Variants in KLHL33 observed in about 807,000 individuals in gnomAD.
KLHL33 encodes kelch like family member 33, also known as kelch-like protein 33.
Under a neutral mutation model 60.8 loss-of-function variants are expected in KLHL33, and 46 were observed. That is an observed-to-expected ratio of 0.76 (90% CI 0.60 to 0.97). The LOEUF (loss-of-function observed/expected upper bound fraction) is 0.97, where lower values mean the gene tolerates loss of function less well. Among genes scored for constraint, KLHL33 ranks in the 50% least tolerant of loss-of-function variants. The probability of loss-of-function intolerance (pLI) is 0.00; values close to 1 mark genes in which losing one functional copy is unlikely to be tolerated. For synonymous variants in KLHL33, 434 were observed against 432.2 expected, an observed-to-expected ratio of 1.00 and a Z score of -0.05; for missense variants, 1,055 against 1,000.0, an observed-to-expected ratio of 1.05 and a Z score of -0.74.
Position 20,429,206 on chromosome 14 carries a change from T to A in KLHL33, c.2037A>T (p.Ala679=), listed in dbSNP as rs7159913. ...GVPRAGHVMA[A]LGGRLYVAGG... is the part of the protein sequence containing the mutation. ...CTGCCACATACAACCTCCCACCCAA[T>A]GCAGCCATGACATGGCCAGCCCGAG... is the stretch of plus-strand genomic sequence containing the variant. Residue 679 remains alanine (A), a synonymous_variant, in exon 5 of 5, where the codon GCA becomes GCT. Transcript: ENST00000636854. The A allele has an allele frequency of 2.9e-3, 4,427 of 1,551,580 alleles. 105 individuals are homozygous for A. The African/African-American group carries it at 0.054, about 19-fold the overall frequency.
rs530011265 is a variant in KLHL33, at chr14:20,426,817, T to C, written c.*2032A>G. 1 of 151,680 alleles carries C rather than the reference T, an allele frequency of 6.6e-6. No individual in the cohort carries two copies. The highest frequency in any genetic ancestry group is 6.6e-5 in the Admixed American group (1 of 15,234). 9.4% of individuals were successfully genotyped at this position (151,680 alleles called of 1,614,324 possible). ...ACAATGATAGACCGGATTAAGAAAA[T>C]GTGGCACATATACACCATGGAATAC... On this transcript the variant is annotated 3_prime_UTR_variant, in exon 5 of 5. Coordinates refer to ENST00000636854, the MANE Select transcript of KLHL33 (RefSeq NM_001365790.2).
rs186346458 is a variant in KLHL33, at chr14:20,429,809, C to A, written c.1659G>T (p.Leu553=). Residue 553 remains leucine (L), a synonymous_variant, in exon 3 of 5, where the codon CTG becomes CTT. Transcript: ENST00000636854. ...GQDFYSHSNT[L]ASTLRWEPSQ... The stretch of plus-strand genomic sequence containing the variant: ...GAAGCTTATACCTGAGAGTTGAAGC[C>A]AGGGTGTTGGAGTGACTGTAGAAAT... The A allele has an allele frequency of 6.5e-7, 1 of 1,537,670 alleles. No homozygotes were observed. The highest frequency in any genetic ancestry group is 8.8e-7 in the Non-Finnish European group (1 of 1,139,112).
chr14:20,428,926 C>T lies in KLHL33; in HGVS notation c.2317G>A (p.Ala773Thr). The T allele has an allele frequency of 6.4e-7, 1 of 1,551,754 alleles. No homozygotes were observed. The highest frequency in any genetic ancestry group is 8.7e-7 in the Non-Finnish European group (1 of 1,146,998). ...TLPRPRAEMPACILTLPAVQH... is the reference protein window; with the variant it reads ...TLPRPRAEMPTCILTLPAVQH... ...ACAGCGGGCAGTGTCAGGATGCAGG[C>T]AGGCATCTCAGCCCGAGGCCTTGGC... is the stretch of plus-strand genomic sequence containing the variant. The change falls in exon 5 of 5, where the codon GCC (alanine) becomes ACC (threonine). Residue 773 changes from alanine to threonine, a missense_variant. Physicochemically the swap from Ala to Thr is moderately conservative, Grantham distance 58 (BLOSUM62 0). Transcript: ENST00000636854.
In KLHL33 at chr14:20,426,174, C is replaced by T. The variant is rs1713451; in HGVS notation, c.*2675G>A. 85,012 of 151,910 alleles carry T rather than the reference C, an allele frequency of 0.56. 23,886 individuals carry two copies. The highest frequency in any genetic ancestry group is 0.67 in the South Asian group (3,207 of 4,806). The allele number at this position is 151,910 out of a possible 1,614,324, so 9.4% of individuals were successfully genotyped here. A position where few individuals can be genotyped will look rare whatever the true frequency, so the allele number is the denominator to read the frequency against. ...GAGACTCCATCATCACCCTTAGAAA[C>T]ATGAAAATCTTAATAAACAATGGTA... On this transcript the variant is annotated 3_prime_UTR_variant, in exon 5 of 5. Coordinates refer to ENST00000636854, the MANE Select transcript of KLHL33 (RefSeq NM_001365790.2).
At position 20,430,315 on chromosome 14, in the gene KLHL33, C is replaced by CA. The variant is rs766652642; in HGVS notation, c.1152dup (p.Glu385Ter). The CA allele has an allele frequency of 6.4e-7, 1 of 1,551,838 alleles. No homozygotes were observed. Among genetic ancestry groups the CA allele is most frequent in the South Asian group, 1.2e-5 (1 of 84,060 alleles). ...TGGAGCTCATCACTATCCAGGAGCT[C>CA]AGCCAAGCAGGCAGCTGGTAAAGAA... On this transcript the variant is annotated frameshift_variant, in exon 3 of 5. Coordinates refer to ENST00000636854, the MANE Select transcript of KLHL33 (RefSeq NM_001365790.2). LOFTEE classifies it high-confidence loss of function.
Position 20,435,754 on chromosome 14 carries a change from C to G in KLHL33, c.58G>C (p.Val20Leu), listed in dbSNP as rs897314491. Residue 20 changes from valine to leucine, a missense_variant, in exon 2 of 5, where the codon GTC becomes CTC. Physicochemically the swap from Val to Leu is conservative, Grantham distance 32 (BLOSUM62 1). Coordinates refer to ENST00000636854, the MANE Select transcript of KLHL33 (RefSeq NM_001365790.2). ...PPELESVSHP[V>L]QRDCLGLLVH... ...AGGAGTCCAAGGCAGTCCCTCTGGA[C>G]GGGATGAGAGACACTCTCCAGCTCA... The G allele has an allele frequency of 2.4e-6, 3 of 1,234,374 alleles. No homozygotes were observed. Among genetic ancestry groups the G allele is most frequent in the African/African-American group, 1.5e-5 (1 of 64,574 alleles). The allele number at this position is 1,234,374 out of a possible 1,614,324, so 76.5% of individuals were successfully genotyped here. A position where few individuals can be genotyped will look rare whatever the true frequency, so the allele number is the denominator to read the frequency against.
In KLHL33 at chr14:20,430,197, C is replaced by T. The variant is rs529289338; in HGVS notation, c.1271G>A (p.Arg424Gln). The T allele has an allele frequency of 9.7e-6, 15 of 1,551,556 alleles. No homozygotes were observed. The highest frequency in any genetic ancestry group is 5.5e-5 in the African/African-American group (4 of 73,162). Residue 424 changes from arginine (R) to glutamine (Q), a missense_variant, in exon 3 of 5, where the codon CGA becomes CAA. Transcript: ENST00000636854. ...GGACATGCGGCCAAAGCGGACACATCGCAGCAGGGCCTTGGCCTCTGACTC... is the reference window on the plus strand; with the variant it reads ...GGACATGCGGCCAAAGCGGACACATTGCAGCAGGGCCTTGGCCTCTGACTC... ...TQESEAKALLRCVRFGRMSTR... is the reference protein window; with the variant it reads ...TQESEAKALLQCVRFGRMSTR...
In KLHL33 at chr14:20,429,323, G is replaced by T; in HGVS notation, c.1920C>A (p.Gly640=). The change falls in exon 5 of 5, where the codon GGC becomes GGA. Residue 640 remains glycine, a synonymous_variant. Transcript: ENST00000636854. Reference sequence around the variant, plus strand: ...CCAGGTATTGGCCAGTCCCACCACAGCCACCGCTCACGTACAACTGGCCCT... The same window carrying T: ...CCAGGTATTGGCCAGTCCCACCACATCCACCGCTCACGTACAACTGGCCCT... ...ILEGQLYVSG[G]CGGTGQYLAS... 3 of 1,551,704 alleles carry T rather than the reference G, an allele frequency of 1.9e-6. No individual in the cohort carries two copies. Among genetic ancestry groups the T allele is most frequent in the Non-Finnish European group, 2.6e-6 (3 of 1,147,002 alleles).
Position 20,436,120 on chromosome 14 carries a change from C to G in KLHL33, c.-41G>C, listed in dbSNP as rs958986950. Reference sequence around the variant, plus strand: ...TCACCCTCAGGAGACACCAGCGTTCCGCTTGCCCTCTCACTTAAGCGCCCG... The same window carrying G: ...TCACCCTCAGGAGACACCAGCGTTCGGCTTGCCCTCTCACTTAAGCGCCCG... On this transcript the variant is annotated 5_prime_UTR_variant, in exon 1 of 5. Transcript: ENST00000636854. The G allele has an allele frequency of 1.3e-5, 3 of 227,032 alleles. No homozygotes were observed. The highest frequency in any genetic ancestry group is 2.6e-5 in the Non-Finnish European group (3 of 117,514). 14.1% of individuals were successfully genotyped at this position (227,032 alleles called of 1,614,324 possible).
intron 2 of KLHL33, among the ~76,000 whole-genome samples, chr14:20,431,781 T>C (rs1363494957): frequency 6.6e-6 from 1 of 152,198 alleles, no homozygotes; most frequent in Non-Finnish European, 1.5e-5. Flanking sequence ...AGAAAGCATG[T>C]GATTTATTTT....
intron 2 of KLHL33, 77 bp from the exon 3 acceptor site, chr14:20,430,796 TAAG>T: frequency 1.1e-6 from 1 of 878,206 alleles, no homozygotes; most frequent in Non-Finnish European, 1.6e-6. Flanking sequence ...CTTGGTACTC[TAAG>T]TTTGGCCAAA....
rs1473447419 is a variant in KLHL33, at chr14:20,430,750, C to T, written c.749-31G>A. On this transcript the variant is annotated intron_variant, in intron 2 of 4. Transcript: ENST00000636854. Reference sequence around the variant, plus strand: ...GGAGGGGAGAAGGAATAGAGGAGGACTCAAAGTATTGCAAGACCGATAGGC... The same window carrying T: ...GGAGGGGAGAAGGAATAGAGGAGGATTCAAAGTATTGCAAGACCGATAGGC... 2.8e-6 allele frequency: 4 copies of T among 1,441,996 alleles called. No individual in the cohort carries two copies. In the Admixed American group the frequency reaches 9.8e-5, roughly 35 times the overall value. 89.3% of individuals were successfully genotyped at this position (1,441,996 alleles called of 1,614,324 possible).
Position 20,432,506 on chromosome 14 carries a change from A to T in KLHL33, c.749-1787T>A, listed in dbSNP as rs951907016. Among the ~76,000 whole-genome samples the T allele has an allele frequency of 5.9e-5, 9 of 152,256 alleles. No homozygotes were observed. The South Asian group carries it at 1.9e-3, about 32-fold the overall frequency. On this transcript the variant is annotated intron_variant, in intron 2 of 4. Transcript: ENST00000636854. ...AGGAAGGACTGTACTAGATTAAAGGAAGCTTAAGAGACATGCAACTGAGAA... is the reference window on the plus strand; with the variant it reads ...AGGAAGGACTGTACTAGATTAAAGGTAGCTTAAGAGACATGCAACTGAGAA...
In KLHL33 at chr14:20,435,418, C is replaced by A; in HGVS notation, c.394G>T (p.Ala132Ser). The A allele has an allele frequency of 8.1e-7, 1 of 1,234,412 alleles. No individual in the cohort carries two copies. The allele number at this position is 1,234,412 out of a possible 1,614,324, so 76.5% of individuals were successfully genotyped here. A position where few individuals can be genotyped will look rare whatever the true frequency, so the allele number is the denominator to read the frequency against. ...TCTCGGAAGAGGCTGCTGATTGCGG[C>A]CAGGATCACCCGATGCACCCCGTAT... ...RVYGVHRVILAAISSLFRDRL... is the reference protein window; with the variant it reads ...RVYGVHRVILSAISSLFRDRL... The change falls in exon 2 of 5, where the codon GCC becomes TCC. Residue 132 changes from alanine (A) to serine (S), a missense_variant. By Grantham distance (99) the Ala-to-Ser change is moderately conservative. Coordinates refer to ENST00000636854, the MANE Select transcript of KLHL33 (RefSeq NM_001365790.2).
At position 20,432,253 on chromosome 14, in the gene KLHL33, T is replaced by C. The variant is rs549306236; in HGVS notation, c.749-1534A>G. On this transcript the variant is annotated intron_variant, in intron 2 of 4. Coordinates refer to ENST00000636854, the MANE Select transcript of KLHL33 (RefSeq NM_001365790.2). ...CCTCAGCTTCCAGATTAGCTGGGACTACAGGTGCACGCTACCATGCCTGGC... is the reference window on the plus strand; with the variant it reads ...CCTCAGCTTCCAGATTAGCTGGGACCACAGGTGCACGCTACCATGCCTGGC... Among the ~76,000 whole-genome samples the C allele has an allele frequency of 1.7e-3, 261 of 152,234 alleles. 1 individual carries two copies. The highest frequency in any genetic ancestry group is 6.1e-3 in the African/African-American group (252 of 41,520).
intron 2 of KLHL33, among the ~76,000 whole-genome samples, chr14:20,434,188 C>T (rs371759930): frequency 1.2e-4 from 19 of 152,244 alleles, no homozygotes; most frequent in South Asian, 6.2e-4. Context: ...TAGTAGACTC[C>T]GAATAATACT....
chr14:20,435,866 G>A lies in KLHL33; in HGVS notation c.-19-36C>T, dbSNP rs142556822. 6 of 1,231,084 alleles carry A rather than the reference G, an allele frequency of 4.9e-6. No homozygotes were observed. In the African/African-American group the frequency reaches 7.7e-5, roughly 16 times the overall value. 76.3% of individuals were successfully genotyped at this position (1,231,084 alleles called of 1,614,324 possible). On this transcript the variant is annotated intron_variant, in intron 1 of 4. Coordinates refer to ENST00000636854, the MANE Select transcript of KLHL33 (RefSeq NM_001365790.2). The stretch of plus-strand genomic sequence containing the variant: ...GCAGAGGCAAGACAGCCTGGCGTCA[G>A]AGCTGGGCCCAAAGAGGCCAGAGCA...
At position 20,426,377 on chromosome 14, in the gene KLHL33, C is replaced by T. The variant is rs1039399117; in HGVS notation, c.*2472G>A. ...TTAGCCAGATGTAATAGCTGTAATC[C>T]CAGCAACTCAGGGAGGCTGAGGCAG... On this transcript the variant is annotated 3_prime_UTR_variant, in exon 5 of 5. Coordinates refer to ENST00000636854, the MANE Select transcript of KLHL33 (RefSeq NM_001365790.2). 6.6e-6 allele frequency: 1 copy of T among 151,854 alleles called. No homozygotes were observed. Among genetic ancestry groups the T allele is most frequent in the South Asian group, 2.1e-4 (1 of 4,796 alleles). 9.4% of individuals were successfully genotyped at this position (151,854 alleles called of 1,614,324 possible).
At position 20,430,004 on chromosome 14, in the gene KLHL33, G is replaced by C. The variant is rs1247785696; in HGVS notation, c.1464C>G (p.Ala488=). Reference sequence around the variant, plus strand: ...ACACTGCTCGGGATGGTTGTCTTAGGGCCATGTCTGGTCTGAGCCCATCCC... The same window carrying C: ...ACACTGCTCGGGATGGTTGTCTTAGCGCCATGTCTGGTCTGAGCCCATCCC... ...IGGDGLRPDM[A]LRQPSRAVWW... The change falls in exon 3 of 5, where the codon GCC becomes GCG. Residue 488 remains alanine (A), a synonymous_variant. Coordinates refer to ENST00000636854, the MANE Select transcript of KLHL33 (RefSeq NM_001365790.2). 2 of 1,551,594 alleles carry C rather than the reference G, an allele frequency of 1.3e-6. No individual in the cohort carries two copies. Among genetic ancestry groups the C allele is most frequent in the African/African-American group, 2.7e-5 (2 of 73,058 alleles).
Sources: gnomAD v4.1 joint callset for allele counts (sites outside exome capture counted in the v4.1 genomes callset) on GRCh38, gnomAD v4.1.1 for gene constraint, MANE v1.5 for transcripts, NCBI Gene and HGNC (gene_info 2026-07-23, HGNC 2026-07-21) for gene names.